ZNF226: variants seen among roughly 807,000 people sequenced by gnomAD.
The protein encoded by ZNF226 is Kruppel-associated box protein.
Under a neutral mutation model 11.4 loss-of-function variants are expected in ZNF226, and 6 were observed. The ratio of observed to expected loss-of-function variants is 0.53; its 90% CI spans 0.29 to 1.04. The LOEUF is 1.04. Among genes scored for constraint, ZNF226 ranks in the 50% least tolerant of loss-of-function variants. The probability of loss-of-function intolerance (pLI) is 0.08; values close to 1 mark genes in which losing one functional copy is unlikely to be tolerated. For missense variants in ZNF226, 1,058 were observed against 956.5 expected, an observed-to-expected ratio of 1.11 and a Z score of -1.40; for synonymous variants, 350 against 322.8, an observed-to-expected ratio of 1.08 and a Z score of -0.90.
intron 3 of ZNF226, among the ~76,000 whole-genome samples, chr19:44,171,756 C>T (rs1045695574): frequency 7.2e-5 from 11 of 152,186 alleles, no homozygotes; most frequent in African/African-American, 2.7e-4. Flanking sequence ...TTGGCTCCCA[C>T]CTCAGTAGGA....
intron 2 of ZNF226, among the ~76,000 whole-genome samples, chr19:44,168,245 TTG>T (rs1275482765): frequency 2.0e-4 from 19 of 94,496 alleles, no homozygotes; most frequent in South Asian, 3.8e-4. Context: ...GTTTTTTGTT[TTG>T]TTTTTTTTTT....
Position 44,176,318 on chromosome 19 carries a change from T to C in ZNF226, c.1056T>C (p.Val352=), listed in dbSNP as rs1568572177. 1 of 1,614,196 alleles carries C rather than the reference T, an allele frequency of 6.2e-7. No individual in the cohort carries two copies. The highest frequency in any genetic ancestry group is 2.2e-5 in the East Asian group (1 of 44,886). ...KGFSRRSALN[V]HCKVHTAEKP... ...TCAGTCGTAGATCAGCACTTAATGT[T>C]CATTGCAAGGTCCACACGGCAGAGA... Residue 352 remains valine (V), a synonymous_variant, in exon 6 of 6, where the codon GTT becomes GTC. Transcript: ENST00000337433.
At chr19:44,170,708 A>C (rs747804859) in intron 3 of ZNF226, among the ~76,000 whole-genome samples, 1 of 152,122 alleles carries the variant, frequency 6.6e-6, no homozygotes, top group Non-Finnish European at 1.5e-5. Flanking sequence ...CACTCCAGCC[A>C]GGGTGACAGA....
In ZNF226 at chr19:44,177,006, A is replaced by G. The variant is rs1220706244; in HGVS notation, c.1744A>G (p.Thr582Ala). 6.2e-7 allele frequency: 1 copy of G among 1,613,996 alleles called. No individual in the cohort carries two copies. The highest frequency in any genetic ancestry group is 8.5e-7 in the Non-Finnish European group (1 of 1,179,908). Residue 582 changes from threonine (T) to alanine (A), a missense_variant, in exon 6 of 6, where the codon ACG (threonine) becomes GCG (alanine). By Grantham distance (58) the Thr-to-Ala change is moderately conservative. Coordinates refer to ENST00000337433, the MANE Select transcript of ZNF226 (RefSeq NM_001032373.2). The part of the protein sequence containing the change: ...SRLQIHQLIH[T>A]GEKPYKCEEC... Reference sequence around the variant, plus strand: ...ACTTCAGATTCACCAGCTGATCCATACGGGTGAGAAACCATACAAATGTGA... The same window carrying G: ...ACTTCAGATTCACCAGCTGATCCATGCGGGTGAGAAACCATACAAATGTGA...
rs1357865976 is a variant in ZNF226, at chr19:44,175,802, G to C, written c.540G>C (p.Glu180Asp). Residue 180 changes from glutamate (E) to aspartate (D), a missense_variant, in exon 6 of 6, where the codon GAG (glutamate) becomes GAC (aspartate). Physicochemically the swap from Glu to Asp is conservative, Grantham distance 45. Transcript: ENST00000337433. ...QDSWRKTFLTESQRLNRDQQI... is the reference protein window; with the variant it reads ...QDSWRKTFLTDSQRLNRDQQI... The stretch of plus-strand genomic sequence containing the variant: ...CTTGGAGGAAAACATTCCTGACTGA[G>C]TCACAGAGATTGAACAGAGATCAGC... 6.2e-7 allele frequency: 1 copy of C among 1,613,768 alleles called. No homozygotes were observed.
At chr19:44,178,279 A>T (rs534136979), downstream of ZNF226, 1 of 152,528 alleles carries the variant, frequency 6.6e-6, no homozygotes, top group East Asian at 1.9e-4. Flanking sequence ...TACCATATAG[A>T]TTCAATTATC....
chr19:44,182,095 T>G (rs1427549390), downstream of ZNF226, among the ~76,000 whole-genome samples: 1 of 152,222 alleles, frequency 6.6e-6, no homozygotes, highest in Non-Finnish European at 1.5e-5. Context: ...GACCCACTGT[T>G]AGCTTGAGCA....
downstream of ZNF226, among the ~76,000 whole-genome samples, chr19:44,179,932 C>A (rs1177311738): frequency 6.6e-6 from 1 of 151,204 alleles, no homozygotes; most frequent in African/African-American, 2.4e-5. Flanking sequence ...AAAAAAAATA[C>A]AAAAACTAGT....
chr19:44,184,304 G>A, the ZNF226 span, among the ~76,000 whole-genome samples: 3 of 152,296 alleles, frequency 2.0e-5, no homozygotes, highest in East Asian at 1.9e-4. Flanking sequence ...AGGACTGGCC[G>A]GGTGCGGTTG....
At chr19:44,194,418 C>CG in the ZNF226 span, among the ~76,000 whole-genome samples, 1 of 151,944 alleles carries the variant, frequency 6.6e-6, no homozygotes, top group African/African-American at 2.4e-5. Context: ...TGGGGAGACA[C>CG]GCGTGCATCA....
the ZNF226 span, among the ~76,000 whole-genome samples, chr19:44,184,289 C>G: frequency 6.6e-6 from 1 of 152,104 alleles, no homozygotes; most frequent in Non-Finnish European, 1.5e-5. Context: ...TCATTAGATT[C>G]CTAGAGGACT....
intron 3 of ZNF226, 60 bp downstream of exon 3, chr19:44,170,155 A>G: frequency 6.4e-7 from 1 of 1,572,310 alleles, no homozygotes; most frequent in Non-Finnish European, 8.7e-7. Context: ...CAGAGATGGA[A>G]CCAGGTTTTT....
the ZNF226 span, among the ~76,000 whole-genome samples, chr19:44,188,137 C>A: frequency 3.3e-5 from 5 of 152,074 alleles, no homozygotes; most frequent in African/African-American, 9.7e-5. Flanking sequence ...TCTGTTAGAT[C>A]CAGTTGGTCT....
At chr19:44,198,886 C>A in the ZNF226 span, among the ~76,000 whole-genome samples, 2 of 152,056 alleles carry the variant, frequency 1.3e-5, no homozygotes, top group Admixed American at 6.6e-5. Flanking sequence ...CTCACTGCAA[C>A]CTCCACCTCC....
Position 44,177,172 on chromosome 19 carries a change from A to G in ZNF226, c.1910A>G (p.His637Arg). ...AATCTTTTGGCCCATCAGAGAGTCC[A>G]CAGTGGAGAAAAACCATTCAAATGT... ...ASNLLAHQRV[H>R]SGEKPFKCEE... The change falls in exon 6 of 6, where the codon CAC becomes CGC. Residue 637 changes from histidine to arginine, a missense_variant. Physicochemically the swap from His to Arg is conservative, Grantham distance 29 (BLOSUM62 0). Transcript: ENST00000337433. The G allele has an allele frequency of 1.2e-6, 2 of 1,614,118 alleles. No homozygotes were observed. Among genetic ancestry groups the G allele is most frequent in the Middle Eastern group, 1.7e-4 (1 of 6,060 alleles).
chr19:44,184,132 G>T, the ZNF226 span, among the ~76,000 whole-genome samples: 1 of 152,148 alleles, frequency 6.6e-6, no homozygotes, highest in Non-Finnish European at 1.5e-5. Flanking sequence ...AATATTTACT[G>T]CCCGGCTCTT....
intron 2 of ZNF226, among the ~76,000 whole-genome samples, chr19:44,168,199 CA>C (rs1431192601): frequency 1.3e-5 from 2 of 151,442 alleles, no homozygotes; most frequent in Non-Finnish European, 2.9e-5. Context: ...AAATTGGAAA[CA>C]CCAGGTTCTG....
chr19:44,177,538 T>G lies in ZNF226; in HGVS notation c.2276T>G (p.Ile759Arg). 1 of 1,613,822 alleles carries G rather than the reference T, an allele frequency of 6.2e-7. No homozygotes were observed. The highest frequency in any genetic ancestry group is 8.5e-7 in the Non-Finnish European group (1 of 1,179,876). The stretch of plus-strand genomic sequence containing the variant: ...GGGGAGAAACCTTATAAATGTGAGA[T>G]ATGTGGTAAGAGCTTCAGTTGGCGA... ...HTGEKPYKCE[I>R]CGKSFSWRSN... Residue 759 changes from isoleucine (I) to arginine (R), a missense_variant, in exon 6 of 6, where the codon ATA (isoleucine) becomes AGA (arginine). Physicochemically the swap from Ile to Arg is moderately conservative, Grantham distance 97. Transcript: ENST00000337433.
Position 44,175,619 on chromosome 19 carries a change from C to G in ZNF226, c.357C>G (p.Ile119Met). Residue 119 changes from isoleucine to methionine, a missense_variant, in exon 6 of 6, where the codon ATC becomes ATG. By Grantham distance (10) the Ile-to-Met change is conservative. Coordinates refer to ENST00000337433, the MANE Select transcript of ZNF226 (RefSeq NM_001032373.2). ...TAACCAGGTGTCAAGACTCCATGAT[C>G]AATAATTCTCAGTGTCACAAACAAG... is the stretch of plus-strand genomic sequence containing the variant. ...NDLTRCQDSM[I>M]NNSQCHKQGD... is the part of the protein sequence containing the mutation. 1.2e-6 allele frequency: 2 copies of G among 1,613,864 alleles called. No homozygotes were observed. Among genetic ancestry groups the G allele is most frequent in the Non-Finnish European group, 8.5e-7 (1 of 1,179,820 alleles).
Sources: gnomAD v4.1 joint callset for allele counts (sites outside exome capture counted in the v4.1 genomes callset) on GRCh38, gnomAD v4.1.1 for gene constraint, MANE v1.5 for transcripts, NCBI Gene and HGNC (gene_info 2026-07-23, HGNC 2026-07-21) for gene names.